Variants in TRMT11 observed in about 807,000 individuals in gnomAD.
TRMT11 encodes the protein tRNA (guanine(10)-N(2))-methyltransferase TRMT11.
In TRMT11, 53 loss-of-function variants were observed where a neutral mutation model predicts 62.8. The ratio of observed to expected loss-of-function variants is 0.84; its 90% CI spans 0.68 to 1.06. TRMT11 has a LOEUF of 1.06. TRMT11 is among the 50% of genes least tolerant of loss of function. The pLI is 0.00. For synonymous variants in TRMT11, 188 were observed against 190.3 expected (o/e 0.99, Z 0.10); for missense variants, 556 against 553.4 (o/e 1.00, Z -0.05).
intron 21 of TRMT11, among the ~76,000 whole-genome samples, chr6:126,135,582 A>T (rs1170213130): frequency 6.6e-6 from 1 of 151,708 alleles, no homozygotes; most frequent in African/African-American, 2.4e-5. Flanking sequence ...AATACCAATT[A>T]TACTAAAATC....
At chr6:126,266,690 C>G in the TRMT11 span, among the ~76,000 whole-genome samples, 1 of 152,160 alleles carries the variant, frequency 6.6e-6, no homozygotes, top group African/African-American at 2.4e-5. Context: ...TTCTAAACTG[C>G]AAGTCAATAT....
chr6:125,986,633 A>G lies in TRMT11; in HGVS notation c.72+11A>G, dbSNP rs1562224496. ...GAGTTCCGCCTGCCGGTGAGTCCGT[A>G]GCGCCCTCCGGAACTTCCGACGGAA... On this transcript the variant is annotated intron_variant, in intron 1 of 12. Coordinates refer to ENST00000334379, the MANE Select transcript of TRMT11 (RefSeq NM_001031712.3). The G allele has an allele frequency of 1.3e-6, 2 of 1,575,532 alleles. No individual in the cohort carries two copies. The highest frequency in any genetic ancestry group is 1.9e-5 in the Admixed American group (1 of 53,790).
At chr6:126,045,506 A>C (rs188613543) in intron 16 of TRMT11, among the ~76,000 whole-genome samples, 20 of 152,288 alleles carry the variant, frequency 1.3e-4, no homozygotes, top group African/African-American at 4.8e-4. Flanking sequence ...CATGGTCCTC[A>C]ACTTCATTGC....
chr6:126,237,845 C>CT, the TRMT11 span, among the ~76,000 whole-genome samples: 2 of 152,108 alleles, frequency 1.3e-5, no homozygotes, highest in African/African-American at 4.8e-5. Context: ...TGGTCCTGGA[C>CT]TTTTTTTGGT....
chr6:126,224,021 A>G, the TRMT11 span, among the ~76,000 whole-genome samples: 2 of 152,100 alleles, frequency 1.3e-5, no homozygotes, highest in African/African-American at 4.8e-5. Context: ...TAAAATGGCT[A>G]TTTCATCTTT....
At chr6:126,105,775 C>T (rs1025260984) in intron 17 of TRMT11, among the ~76,000 whole-genome samples, 8 of 152,038 alleles carry the variant, frequency 5.3e-5, no homozygotes, top group Non-Finnish European at 1.2e-4. Flanking sequence ...AAGGGGAAAG[C>T]ACAACCATGT....
chr6:126,219,197 A>G, the TRMT11 span, among the ~76,000 whole-genome samples: 1 of 152,108 alleles, frequency 6.6e-6, no homozygotes, highest in Non-Finnish European at 1.5e-5. Flanking sequence ...GGTTCCTATG[A>G]AAGTGTTTTT....
chr6:126,142,055 TCTC>T (rs1451083034), intron 21 of TRMT11, among the ~76,000 whole-genome samples: 1 of 152,090 alleles, frequency 6.6e-6, no homozygotes, highest in Non-Finnish European at 1.5e-5. Context: ...CTTGCATTAT[TCTC>T]CTCAATAAAG....
exon 21 of TRMT11, among the ~76,000 whole-genome samples, chr6:126,115,764 G>C (rs1465869242): frequency 8.6e-5 from 13 of 151,970 alleles, no homozygotes; most frequent in Non-Finnish European, 1.9e-4. Context: ...CACTAGAAGA[G>C]GACCACAAGC....
chr6:126,257,975 G>T, the TRMT11 span: 1 of 1,562,422 alleles, frequency 6.4e-7, no homozygotes, highest in Non-Finnish European at 8.8e-7. Flanking sequence ...TGTCCAGCAG[G>T]TCAGGGATGA....
chr6:126,103,079 C>T (rs901234913), intron 17 of TRMT11, among the ~76,000 whole-genome samples: 1 of 152,208 alleles, frequency 6.6e-6, no homozygotes, highest in African/African-American at 2.4e-5. Flanking sequence ...ATTTATCCTG[C>T]AAGAACTGTG....
chr6:126,155,141 G>T (rs985907640), intron 21 of TRMT11, among the ~76,000 whole-genome samples: 1 of 152,224 alleles, frequency 6.6e-6, no homozygotes, highest in Non-Finnish European at 1.5e-5. Flanking sequence ...CATGGCTCCA[G>T]CATCTTCTTA....
chr6:126,020,880 T>C (rs1181730185), intron 11 of TRMT11, among the ~76,000 whole-genome samples: 5 of 152,256 alleles, frequency 3.3e-5, no homozygotes, highest in African/African-American at 1.2e-4. Context: ...AATCATCTTG[T>C]ACTTTTGTGG....
chr6:126,199,218 C>T (rs892688522), intron 2 of TRMT11, among the ~76,000 whole-genome samples: 2 of 152,298 alleles, frequency 1.3e-5, no homozygotes, highest in East Asian at 1.9e-4. Context: ...CTAATATGCT[C>T]GCAGAATCAC....
the TRMT11 span, among the ~76,000 whole-genome samples, chr6:126,265,339 C>T: frequency 6.6e-6 from 1 of 152,072 alleles, no homozygotes; most frequent in Non-Finnish European, 1.5e-5. Context: ...TCCCTAAAAT[C>T]TGCTGAAATT....
chr6:126,142,458 A>G (rs753602620), intron 21 of TRMT11, among the ~76,000 whole-genome samples: 15 of 152,116 alleles, frequency 9.9e-5, no homozygotes, highest in Non-Finnish European at 1.9e-4. Context: ...AGTTGTCTAA[A>G]TGACTTAATT....
intron 16 of TRMT11, among the ~76,000 whole-genome samples, chr6:126,046,115 A>T (rs1055373958): frequency 6.6e-6 from 1 of 152,168 alleles, no homozygotes; most frequent in African/African-American, 2.4e-5. Flanking sequence ...AAATTCTTGG[A>T]GTTGGCCCCC....
At chr6:126,070,873 C>T (rs893409673) in intron 17 of TRMT11, among the ~76,000 whole-genome samples, 1 of 152,192 alleles carries the variant, frequency 6.6e-6, no homozygotes, top group Non-Finnish European at 1.5e-5. Context: ...GCTTGCCTAA[C>T]AGCACACACT....
At chr6:126,016,766 CAT>C (rs1336330372) in intron 11 of TRMT11, among the ~76,000 whole-genome samples, 11 of 151,020 alleles carry the variant, frequency 7.3e-5, no homozygotes, top group Non-Finnish European at 1.0e-4. Flanking sequence ...GTGTCTAACA[CAT>C]GTGGGAAGAC....
Sources: allele counts gnomAD v4.1 joint callset (sites outside exome capture counted in the v4.1 genomes callset), GRCh38; gene constraint gnomAD v4.1.1; transcripts MANE v1.5; gene names NCBI Gene and HGNC (gene_info 2026-07-23, HGNC 2026-07-21).